The following MMP16 variants were observed in gnomAD, a reference collection of about 807,000 sequenced individuals.
The protein encoded by MMP16 is matrix metallopeptidase 16, also known as matrix metalloproteinase-16.
A neutral mutation model predicts 67.8 loss-of-function variants in MMP16; 12 were observed. The observed-to-expected ratio is 0.18, with a 90% CI of 0.11 to 0.29. The LOEUF (loss-of-function observed/expected upper bound fraction) is 0.29, where lower values mean the gene tolerates loss of function less well. Ranked by LOEUF, MMP16 falls within the 10% of genes least tolerant of loss-of-function variation. The pLI is 1.00. For missense variants in MMP16, 475 were observed against 765.7 expected (o/e 0.62, Z 4.48); for synonymous variants, 249 against 255.9 (o/e 0.97, Z 0.26).
chr8:88,086,651 G>A (rs1808838586), intron 6 of MMP16, among the ~76,000 whole-genome samples: 2 of 151,796 alleles, frequency 1.3e-5, no homozygotes, highest in Admixed American at 1.3e-4. Context: ...TCAAACTAAA[G>A]AAAGATGTCT....
At chr8:88,221,682 C>T (rs1487500513) in intron 1 of MMP16, among the ~76,000 whole-genome samples, 1 of 151,714 alleles carries the variant, frequency 6.6e-6, no homozygotes. Flanking sequence ...AACACAACTT[C>T]CAAAAAACAC....
intron 1 of MMP16, among the ~76,000 whole-genome samples, chr8:88,276,197 A>C (rs903570715): frequency 6.6e-6 from 1 of 152,106 alleles, no homozygotes; most frequent in African/African-American, 2.4e-5. Context: ...AGAAACTATG[A>C]AAACAGTGGG....
At chr8:88,289,608 C>T (rs563023427) in intron 1 of MMP16, among the ~76,000 whole-genome samples, 1 of 151,838 alleles carries the variant, frequency 6.6e-6, no homozygotes, top group South Asian at 2.1e-4. Context: ...ACAGTCATTT[C>T]TCATTATATG....
At chr8:88,179,856 T>A (rs1323406754) in intron 3 of MMP16, among the ~76,000 whole-genome samples, 1 of 151,770 alleles carries the variant, frequency 6.6e-6, no homozygotes, top group African/African-American at 2.4e-5. Context: ...TGAAAACATA[T>A]AAAATGGTCA....
chr8:88,034,581 G>A lies in MMP16; in HGVS notation c.*6880C>T, dbSNP rs1435353773. 1 of 152,236 alleles carries A rather than the reference G, an allele frequency of 6.6e-6. No homozygotes were observed. The highest frequency in any genetic ancestry group is 1.5e-5 in the Non-Finnish European group (1 of 67,944). The allele number at this position is 152,236 out of a possible 1,614,324, so 9.4% of individuals were successfully genotyped here. ...GGCAATGGTATAGACAGCCAATAATGTGGCCTCTGTGACGGTATTTCAGTA... is the reference window on the plus strand; with the variant it reads ...GGCAATGGTATAGACAGCCAATAATATGGCCTCTGTGACGGTATTTCAGTA... On this transcript the variant is annotated 3_prime_UTR_variant, in exon 10 of 10. Coordinates refer to ENST00000286614, the MANE Select transcript of MMP16 (RefSeq NM_005941.5).
At chr8:88,062,879 A>C (rs1808417876) in intron 7 of MMP16, among the ~76,000 whole-genome samples, 1 of 152,150 alleles carries the variant, frequency 6.6e-6, no homozygotes, top group South Asian at 2.1e-4. Context: ...TTAAGTATGT[A>C]AGATTCATAT....
Position 88,051,807 on chromosome 8 carries a change from TAG to T in MMP16, c.1373+4319_1373+4320del, listed in dbSNP as rs140818228. ...CTAAGCTTCTTATGAAATATGGCAA[TAG>T]AGTCTTAGATATGTTTGTGAGATGT... is the stretch of plus-strand genomic sequence containing the variant. On this transcript the variant is annotated intron_variant, in intron 8 of 9. Coordinates refer to ENST00000286614, the MANE Select transcript of MMP16 (RefSeq NM_005941.5). Among the ~76,000 whole-genome samples, 112 of 152,282 alleles carry T rather than the reference TAG, an allele frequency of 7.4e-4. No homozygotes were observed. In the East Asian group the frequency reaches 0.011, roughly 14 times the overall value.
Position 88,167,889 on chromosome 8 carries a change from A to G in MMP16, c.489T>C (p.Thr163=), listed in dbSNP as rs1298997319. The G allele has an allele frequency of 6.2e-7, 1 of 1,614,020 alleles. No individual in the cohort carries two copies. The highest frequency in any genetic ancestry group is 1.7e-5 in the Admixed American group (1 of 59,954). The stretch of plus-strand genomic sequence containing the variant: ...AGGGAACTTCTTCAAATGTCAGAGG[A>G]GTTACATTCTGCCACACATCAAAGG... ...RRAFDVWQNV[T]PLTFEEVPYS... The change falls in exon 4 of 10, where the codon ACT becomes ACC. Residue 163 remains threonine (T), a synonymous_variant. Transcript: ENST00000286614.
intron 1 of MMP16, among the ~76,000 whole-genome samples, chr8:88,274,557 T>C (rs570811685): frequency 1.9e-4 from 29 of 152,150 alleles, no homozygotes; most frequent in African/African-American, 7.0e-4. Context: ...AGAAATGCAT[T>C]GAATAAATGC....
chr8:88,091,458 G>C (rs568853646), intron 6 of MMP16, among the ~76,000 whole-genome samples: 2 of 151,844 alleles, frequency 1.3e-5, no homozygotes, highest in South Asian at 4.1e-4. Flanking sequence ...TGGGTATAGA[G>C]TGTTGCACCA....
At chr8:88,222,693 T>G (rs949176192) in intron 1 of MMP16, among the ~76,000 whole-genome samples, 5 of 152,086 alleles carry the variant, frequency 3.3e-5, no homozygotes, top group African/African-American at 1.2e-4. Context: ...CAAAAATTAA[T>G]TCAAGATGGA....
intron 1 of MMP16, among the ~76,000 whole-genome samples, chr8:88,235,723 A>C (rs1809930164): frequency 6.6e-6 from 1 of 152,112 alleles, no homozygotes; most frequent in South Asian, 2.1e-4. Context: ...AATCTTTCTC[A>C]AATGGTACAC....
At chr8:88,108,011 T>A (rs1172647151) in intron 6 of MMP16, among the ~76,000 whole-genome samples, 9 of 151,154 alleles carry the variant, frequency 6.0e-5, no homozygotes, top group African/African-American at 4.8e-5. Flanking sequence ...ATCTATATTA[T>A]TATTCCAATA....
At position 88,035,245 on chromosome 8, in the gene MMP16, T is replaced by G. The variant is rs984940411; in HGVS notation, c.*6216A>C. The G allele has an allele frequency of 2.0e-5, 3 of 152,050 alleles. No homozygotes were observed. The highest frequency in any genetic ancestry group is 7.2e-5 in the African/African-American group (3 of 41,430). 9.4% of individuals were successfully genotyped at this position (152,050 alleles called of 1,614,324 possible). A position where few individuals can be genotyped will look rare whatever the true frequency, so the allele number is the denominator to read the frequency against. On this transcript the variant is annotated 3_prime_UTR_variant, in exon 10 of 10. Coordinates refer to ENST00000286614, the MANE Select transcript of MMP16 (RefSeq NM_005941.5). This position sits in a 1 kb window ranked among gnomAD's most constrained non-coding sequence, Gnocchi z 4.7. Reference sequence around the variant, plus strand: ...TTTATATTTAATTGATTCTTATCCCTTTTTAAGGGCATATAAATTCAGCTC... The same window carrying G: ...TTTATATTTAATTGATTCTTATCCCGTTTTAAGGGCATATAAATTCAGCTC...
intron 6 of MMP16, among the ~76,000 whole-genome samples, chr8:88,104,289 T>G (rs1458696128): frequency 6.6e-6 from 1 of 151,750 alleles, no homozygotes; most frequent in African/African-American, 2.4e-5. Flanking sequence ...TCTAATATTT[T>G]AATATTTTGT....
At chr8:88,178,288 C>A (rs1808925325) in intron 3 of MMP16, among the ~76,000 whole-genome samples, 1 of 152,064 alleles carries the variant, frequency 6.6e-6, no homozygotes, top group South Asian at 2.1e-4. Flanking sequence ...TTCATAATAA[C>A]TGATCAATAG....
At chr8:88,061,229 A>G (rs1808396542) in intron 7 of MMP16, among the ~76,000 whole-genome samples, 1 of 151,914 alleles carries the variant, frequency 6.6e-6, no homozygotes, top group Non-Finnish European at 1.5e-5. Flanking sequence ...TGGAAAATCC[A>G]GAAAGCTGTT....
chr8:88,234,398 C>G (rs1228214540), intron 1 of MMP16, among the ~76,000 whole-genome samples: 1 of 152,138 alleles, frequency 6.6e-6, no homozygotes, highest in African/African-American at 2.4e-5. Flanking sequence ...CAATCCAAAT[C>G]AAGTGAACAC....
intron 6 of MMP16, among the ~76,000 whole-genome samples, chr8:88,090,942 T>C (rs1465797816): frequency 6.6e-6 from 1 of 151,872 alleles, no homozygotes; most frequent in Non-Finnish European, 1.5e-5. Flanking sequence ...TAGTCAATAT[T>C]GTGTCTGGAA....
Sources: gnomAD v4.1 joint callset for allele counts (sites outside exome capture counted in the v4.1 genomes callset) on GRCh38, gnomAD v4.1.1 for gene constraint, Gnocchi (gnomAD v3.1) non-coding constraint, MANE v1.5 for transcripts, NCBI Gene and HGNC (gene_info 2026-07-23, HGNC 2026-07-21) for gene names.